The following RBM34 variants were observed in gnomAD, a reference collection of about 807,000 sequenced individuals.
RBM34 encodes the protein RNA binding motif protein 34.
In RBM34, 39 loss-of-function variants were observed where a neutral mutation model predicts 44.6. That is an observed-to-expected ratio of 0.87 (90% CI 0.68 to 1.14). The LOEUF is 1.14. RBM34 is among the 50% of genes most tolerant of loss of function. The pLI is 0.00. For missense variants in RBM34, 572 were observed against 517.9 expected (o/e 1.10, Z -1.01); for synonymous variants, 194 against 184.0 (o/e 1.05, Z -0.44).
intron 6 of RBM34, among the ~76,000 whole-genome samples, chr1:235,139,555 A>G (rs1392788251): frequency 6.6e-6 from 1 of 152,184 alleles, no homozygotes; most frequent in African/African-American, 2.4e-5. Context: ...TCTTCACACA[A>G]CACACAGCTG....
Position 235,136,058 on chromosome 1 carries a change from C to T in RBM34, c.865G>A (p.Val289Ile). 1 of 1,598,614 alleles carries T rather than the reference C, an allele frequency of 6.3e-7. No individual in the cohort carries two copies. Among genetic ancestry groups the T allele is most frequent in the Non-Finnish European group, 8.6e-7 (1 of 1,168,210 alleles). Residue 289 changes from valine (V) to isoleucine (I), a missense_variant, in exon 9 of 11, where the codon GTT becomes ATT. By Grantham distance (29) the Val-to-Ile change is conservative. Transcript: ENST00000408888. Reference sequence around the variant, plus strand: ...CTATAAGGGAGATTCCCCACAAAAACCGATCTCTTGTCTCTCTGAAACAAA... The same window carrying T: ...CTATAAGGGAGATTCCCCACAAAAATCGATCTCTTGTCTCTCTGAAACAAA... Reference protein sequence around the residue: ...SETSSRDKRSVFVGNLPYKVE... With the variant: ...SETSSRDKRSIFVGNLPYKVE...
At chr1:235,159,139 G>A (rs114054054) in intron 3 of RBM34, among the ~76,000 whole-genome samples, 2,127 of 151,300 alleles carry the variant, frequency 0.014, 23 homozygotes, top group Non-Finnish European at 0.021. Flanking sequence ...ATTGAGTCTG[G>A]GAAGCAAAGA....
chr1:235,136,636 C>T (rs1270714669), intron 8 of RBM34, among the ~76,000 whole-genome samples: 2 of 152,228 alleles, frequency 1.3e-5, no homozygotes, highest in African/African-American at 2.4e-5. Context: ...GACAGAAATG[C>T]ACTCTATGTT....
intron 9 of RBM34, 96 bp from the exon 10 acceptor site, chr1:235,135,866 T>C (rs553352120): frequency 3.9e-6 from 5 of 1,290,944 alleles, no homozygotes; most frequent in East Asian, 4.7e-5. Context: ...CATGGTCCCA[T>C]GAAAATAAGC....
chr1:235,151,743 A>AT (rs1266688157), intron 5 of RBM34, among the ~76,000 whole-genome samples: 1 of 152,142 alleles, frequency 6.6e-6, no homozygotes, highest in East Asian at 1.9e-4. Flanking sequence ...AATTAGAAAC[A>AT]TGAAAAAGGC....
At chr1:235,156,783 C>T in intron 3 of RBM34, 1 of 342,152 alleles carries the variant, frequency 2.9e-6, no homozygotes, top group Non-Finnish European at 5.9e-6. Context: ...CAGTTCTAGG[C>T]TCTGAGGATA....
intron 3 of RBM34, among the ~76,000 whole-genome samples, chr1:235,158,729 T>C (rs746251135): frequency 6.6e-6 from 1 of 152,060 alleles, no homozygotes; most frequent in Non-Finnish European, 1.5e-5. Context: ...ATAAGGGGCT[T>C]GAGGAGAGTG....
In RBM34 at chr1:235,155,067, C is replaced by G. The variant is rs1662338055; in HGVS notation, c.411G>C (p.Gln137His). 3.1e-6 allele frequency: 5 copies of G among 1,613,680 alleles called. No homozygotes were observed. Among genetic ancestry groups the G allele is most frequent in the Non-Finnish European group, 4.2e-6 (5 of 1,179,980 alleles). The change falls in exon 4 of 11, where the codon CAG (glutamine) becomes CAC (histidine). Residue 137 changes from glutamine to histidine, a missense_variant. Physicochemically the swap from Gln to His is conservative, Grantham distance 24 (BLOSUM62 0). Transcript: ENST00000408888. ...ASADLEEEIH[Q>H]KQGQKRKNSQ... ...AATTTTTCCTTTTCTGCCCTTGTTT[C>G]TGGTGAATTTCTTCTTCTAAATCAG... is the stretch of plus-strand genomic sequence containing the variant.
chr1:235,153,151 T>C (rs140252487), intron 4 of RBM34, among the ~76,000 whole-genome samples: 1 of 152,064 alleles, frequency 6.6e-6, no homozygotes, highest in Non-Finnish European at 1.5e-5. Context: ...ATTACAGGCA[T>C]GAGCCACCGC....
chr1:235,160,579 C>T lies in RBM34; in HGVS notation c.297G>A (p.Ser99=), dbSNP rs750402234. 1.2e-6 allele frequency: 2 copies of T among 1,614,028 alleles called. No individual in the cohort carries two copies. Among genetic ancestry groups the T allele is most frequent in the Admixed American group, 1.7e-5 (1 of 60,010 alleles). The change falls in exon 3 of 11, where the codon TCG becomes TCA. Residue 99 remains serine, a synonymous_variant. Coordinates refer to ENST00000408888, the MANE Select transcript of RBM34 (RefSeq NM_015014.4). ...ESTSQIERPL[S]QEPAKKVKAK... ...CTTTCACTTTTTTGGCAGGTTCTTGCGAAAGTGGTCTTTCAATCTGGGATG... is the reference window on the plus strand; with the variant it reads ...CTTTCACTTTTTTGGCAGGTTCTTGTGAAAGTGGTCTTTCAATCTGGGATG...
At chr1:235,145,395 A>G (rs1442526289) in intron 6 of RBM34, among the ~76,000 whole-genome samples, 2 of 151,520 alleles carry the variant, frequency 1.3e-5, no homozygotes, top group Non-Finnish European at 2.9e-5. Context: ...CTCCCACCTC[A>G]GCCCCCAGAG....
Position 235,160,609 on chromosome 1 carries a change from T to C in RBM34, c.267A>G (p.Glu89=). Residue 89 remains glutamate, a synonymous_variant, in exon 3 of 11, where the codon GAA becomes GAG. Transcript: ENST00000408888. ...GTGGTCTTTCAATCTGGGATGTACT[T>C]TCTTCCTCCTCATTCCGTTTCGTTT... The part of the protein sequence containing the change: ...IKKTKRNEEE[E]STSQIERPLS... 6.2e-7 allele frequency: 1 copy of C among 1,613,416 alleles called. No homozygotes were observed. The highest frequency in any genetic ancestry group is 8.5e-7 in the Non-Finnish European group (1 of 1,179,836).
chr1:235,131,987 G>GGTAC lies in RBM34; in HGVS notation c.1018_1019insGTAC (p.Ser340CysfsTer11). ...ATTTAATTTCAGAGCAAGATGAACA[G>GGTAC]AATCTGTATTCTGCAAAAGAAAACA... On this transcript the variant is annotated frameshift_variant, in exon 11 of 11. Coordinates refer to ENST00000408888, the MANE Select transcript of RBM34 (RefSeq NM_015014.4). LOFTEE classifies it high-confidence loss of function. 1 of 1,591,110 alleles carries GGTAC rather than the reference G, an allele frequency of 6.3e-7. No homozygotes were observed.
intron 3 of RBM34, among the ~76,000 whole-genome samples, chr1:235,158,889 A>T (rs1662567845): frequency 6.6e-6 from 1 of 150,588 alleles, no homozygotes; most frequent in Non-Finnish European, 1.5e-5. Flanking sequence ...AGACGGAGGT[A>T]GGAGGATGGT....
At chr1:235,140,510 G>A (rs147019076) in intron 6 of RBM34, among the ~76,000 whole-genome samples, 22,856 of 152,218 alleles carry the variant, frequency 0.15, 1,881 homozygotes, top group Middle Eastern at 0.21. Flanking sequence ...ATTTCTCACC[G>A]GGCCTTAGCT....
At chr1:235,140,193 G>A (rs904358326) in intron 6 of RBM34, among the ~76,000 whole-genome samples, 4 of 152,270 alleles carry the variant, frequency 2.6e-5, no homozygotes, top group Non-Finnish European at 4.4e-5. Context: ...CGGCACTTGA[G>A]GAGCCCTTCA....
intron 5 of RBM34, among the ~76,000 whole-genome samples, chr1:235,148,924 A>G (rs1662034133): frequency 6.6e-6 from 1 of 151,882 alleles, no homozygotes; most frequent in South Asian, 2.1e-4. Context: ...TATGAAACGA[A>G]GCTCGTGGCT....
At chr1:235,132,070 T>C (rs1232050123) in intron 10 of RBM34, 73 bp from the exon 11 acceptor site, 2 of 1,389,736 alleles carry the variant, frequency 1.4e-6, no homozygotes, top group East Asian at 4.6e-5. Flanking sequence ...AAGTGTCACT[T>C]TAACAGATGA....
At chr1:235,136,153 T>A in intron 8 of RBM34, 80 bp from the exon 9 acceptor site, 3 of 1,181,328 alleles carry the variant, frequency 2.5e-6, no homozygotes, top group Non-Finnish European at 3.7e-6. Flanking sequence ...CTATCCCTCC[T>A]TCCCCCCATA....
Sources: allele counts gnomAD v4.1 joint callset (sites outside exome capture counted in the v4.1 genomes callset), GRCh38; gene constraint gnomAD v4.1.1; transcripts MANE v1.5; gene names NCBI Gene and HGNC (gene_info 2026-07-23, HGNC 2026-07-21).